Variants in PTPRD observed in about 807,000 individuals in gnomAD.
PTPRD encodes receptor-type tyrosine-protein phosphatase delta.
PTPRD carries 34 observed loss-of-function variants against 214.5 expected under a neutral mutation model. The observed-to-expected ratio is 0.16, with a 90% CI of 0.12 to 0.21. The LOEUF is 0.21. Ranked by LOEUF, PTPRD falls within the 10% of genes least tolerant of loss-of-function variation. The pLI is 1.00. For missense variants in PTPRD, 2,545 were observed against 2,398.7 expected, an observed-to-expected ratio of 1.06 and a Z score of -1.27; for synonymous variants, 1,128 against 845.7, an observed-to-expected ratio of 1.33 and a Z score of -5.79.
intron 7 of PTPRD, among the ~76,000 whole-genome samples, chr9:9,688,601 G>C (rs149908164): frequency 7.9e-4 from 120 of 151,958 alleles, no homozygotes; most frequent in African/African-American, 2.8e-3. Flanking sequence ...CAAAGTTTGC[G>C]TGAGTGATGA....
intron 3 of PTPRD, among the ~76,000 whole-genome samples, chr9:10,131,331 G>A (rs777574604): frequency 5.3e-5 from 8 of 152,114 alleles, no homozygotes; most frequent in Admixed American, 3.9e-4. Context: ...ATCCTTCTCC[G>A]TAGAATGGGA....
chr9:9,196,921 G>A (rs10977565), intron 9 of PTPRD, among the ~76,000 whole-genome samples: 29,158 of 151,966 alleles, frequency 0.19, 2,868 homozygotes, highest in East Asian at 0.33. Context: ...CCATTTCATG[G>A]AATATCAATA....
At chr9:10,321,378 T>C (rs1011289046) in intron 3 of PTPRD, among the ~76,000 whole-genome samples, 4 of 151,902 alleles carry the variant, frequency 2.6e-5, no homozygotes, top group Non-Finnish European at 5.9e-5. Flanking sequence ...GAGGAAAGAA[T>C]TGTAAATGCA....
intron 9 of PTPRD, among the ~76,000 whole-genome samples, chr9:9,298,037 T>C (rs1441049658): frequency 6.6e-6 from 1 of 151,770 alleles, no homozygotes; most frequent in Non-Finnish European, 1.5e-5. Flanking sequence ...AATAAATCAA[T>C]GACTTAAAAT....
intron 11 of PTPRD, among the ~76,000 whole-genome samples, chr9:8,923,932 T>C (rs1277385632): frequency 6.6e-6 from 1 of 152,212 alleles, no homozygotes; most frequent in African/African-American, 2.4e-5. Context: ...AGCTTCCAAT[T>C]GTTTTAATTA....
At chr9:9,808,438 G>C (rs1203506088) in intron 5 of PTPRD, among the ~76,000 whole-genome samples, 1 of 151,966 alleles carries the variant, frequency 6.6e-6, no homozygotes, top group Non-Finnish European at 1.5e-5. Context: ...CTAATCAATT[G>C]ACCAGAAAAG....
intron 3 of PTPRD, among the ~76,000 whole-genome samples, chr9:10,147,134 T>C (rs987086539): frequency 6.6e-6 from 1 of 152,162 alleles, no homozygotes; most frequent in African/African-American, 2.4e-5. Flanking sequence ...GTATTTTATA[T>C]GGAGATGAAC....
At chr9:8,566,781 A>C (rs1187797797) in intron 14 of PTPRD, among the ~76,000 whole-genome samples, 2 of 152,214 alleles carry the variant, frequency 1.3e-5, no homozygotes, top group African/African-American at 4.8e-5. Context: ...AAGTGATTGT[A>C]AACATAGTTC....
chr9:8,857,995 GCCCGCGGCT>G (rs2097976332), intron 11 of PTPRD: 2 of 146,850 alleles, frequency 1.4e-5, no homozygotes, highest in African/African-American at 5.3e-5. Context: ...GCCCTTCTGA[GCCCGCGGCT>G]TCCGCGGCGG....
chr9:8,924,421 C>G (rs937714628), intron 11 of PTPRD, among the ~76,000 whole-genome samples: 2 of 152,170 alleles, frequency 1.3e-5, no homozygotes, highest in Non-Finnish European at 2.9e-5. Context: ...TGAGTACTTG[C>G]AACATGTCAA....
At chr9:10,300,474 C>T (rs554475213) in intron 3 of PTPRD, among the ~76,000 whole-genome samples, 14 of 151,964 alleles carry the variant, frequency 9.2e-5, no homozygotes, top group Admixed American at 5.2e-4. Flanking sequence ...CTCTGTGGGT[C>T]CCCCCTCCAC....
intron 14 of PTPRD, among the ~76,000 whole-genome samples, chr9:8,565,393 C>T (rs533702439): frequency 1.3e-5 from 2 of 152,276 alleles, no homozygotes; most frequent in African/African-American, 4.8e-5. Context: ...TAATTCACTA[C>T]CCACAGAAAG....
At chr9:9,288,934 T>C (rs193158307) in intron 9 of PTPRD, among the ~76,000 whole-genome samples, 15 of 152,000 alleles carry the variant, frequency 9.9e-5, no homozygotes, top group Admixed American at 3.3e-4. Context: ...AGCACATGCT[T>C]TCTTCCCCTT....
At chr9:10,353,492 A>C (rs2097216545) in intron 2 of PTPRD, among the ~76,000 whole-genome samples, 1 of 152,012 alleles carries the variant, frequency 6.6e-6, no homozygotes. Flanking sequence ...GTTCTCAAGA[A>C]TACAACATTT....
chr9:9,016,713 G>A (rs980211026), intron 11 of PTPRD, among the ~76,000 whole-genome samples: 2 of 152,098 alleles, frequency 1.3e-5, no homozygotes, highest in African/African-American at 4.8e-5. Flanking sequence ...AACTGTAGCA[G>A]TCTTTGCAAA....
chr9:8,774,125 C>T (rs1279197720), intron 11 of PTPRD, among the ~76,000 whole-genome samples: 1 of 152,146 alleles, frequency 6.6e-6, no homozygotes, highest in Non-Finnish European at 1.5e-5. Context: ...AGATATGTTT[C>T]CTCATTTGTA....
chr9:10,140,309 G>C (rs2098974863), intron 3 of PTPRD, among the ~76,000 whole-genome samples: 1 of 147,856 alleles, frequency 6.8e-6, no homozygotes. Flanking sequence ...AGACATACAA[G>C]CAGAAAACAA....
At chr9:10,065,275 T>C (rs57693510) in intron 3 of PTPRD, among the ~76,000 whole-genome samples, 127 of 151,950 alleles carry the variant, frequency 8.4e-4, no homozygotes, top group African/African-American at 2.9e-3. Flanking sequence ...TAACCCAAGG[T>C]AGTTGGCGCA....
At chr9:8,486,580 T>A (rs1381027401) in intron 27 of PTPRD, 1 of 667,130 alleles carries the variant, frequency 1.5e-6, no homozygotes, top group Admixed American at 2.1e-5. Context: ...AAACAGAAAT[T>A]ATCATTGAAA....
Sources: allele counts gnomAD v4.1 joint callset (sites outside exome capture counted in the v4.1 genomes callset), GRCh38; gene constraint gnomAD v4.1.1; transcripts MANE v1.5; gene names NCBI Gene and HGNC (gene_info 2026-07-23, HGNC 2026-07-21).